FOXP2: variants seen among roughly 807,000 people sequenced by gnomAD.
The protein encoded by FOXP2 is forkhead box P2, also known as forkhead box protein P2.
A neutral mutation model predicts 115.8 loss-of-function variants in FOXP2; 12 were observed. That is an observed-to-expected ratio of 0.10 (90% CI 0.07 to 0.17). The LOEUF is 0.17. Ranked by LOEUF, FOXP2 falls within the 10% of genes least tolerant of loss-of-function variation. The pLI is 1.00. For synonymous variants in FOXP2, 328 were observed against 297.7 expected (o/e 1.10, Z -1.05); for missense variants, 629 against 843.5 (o/e 0.75, Z 3.15).
At chr7:114,610,400 T>C (rs1413276009) in intron 3 of FOXP2, among the ~76,000 whole-genome samples, 1 of 152,170 alleles carries the variant, frequency 6.6e-6, no homozygotes, top group Non-Finnish European at 1.5e-5. Flanking sequence ...TGTTAAAAAT[T>C]GGTATTTAAA....
Position 114,581,153 on chromosome 7 carries a change from A to G in FOXP2, c.258+46447A>G, listed in dbSNP as rs772881785. Among the ~76,000 whole-genome samples, 30 of 25,020 alleles carry G rather than the reference A, an allele frequency of 1.2e-3. No individual in the cohort carries two copies. The South Asian group carries it at 0.014, about 12-fold the overall frequency. The allele number at this position is 25,020 out of a possible 152,430, so 16.4% of individuals were successfully genotyped here. On this transcript the variant is annotated intron_variant, in intron 3 of 16. Transcript: ENST00000350908. ...TTGTTGCTTCTATCTTCTTCCGTTT[A>G]TTTATTTATTTATTTATTTATTTAT...
chr7:114,558,688 A>G (rs1034144334), intron 3 of FOXP2, among the ~76,000 whole-genome samples: 1 of 152,134 alleles, frequency 6.6e-6, no homozygotes, highest in African/African-American at 2.4e-5. Flanking sequence ...ACTAATGTCC[A>G]TTTATTCTTA....
At chr7:114,535,345 G>A (rs1227658652) in intron 3 of FOXP2, among the ~76,000 whole-genome samples, 2 of 151,092 alleles carry the variant, frequency 1.3e-5, no homozygotes, top group Admixed American at 6.6e-5. Flanking sequence ...TTGGTGGGGG[G>A]GGAAACATTT....
Position 114,581,149 on chromosome 7 carries a change from GTTTATTTATTTA to G in FOXP2, c.258+46483_258+46494del, listed in dbSNP as rs10585289. ...GGATTTGTTGCTTCTATCTTCTTCCGTTTATTTATTTATTTATTTATTTATTTATTTATTTAT... is the reference window on the plus strand; with the variant it reads ...GGATTTGTTGCTTCTATCTTCTTCCGTTTATTTATTTATTTATTTATTTAT... On this transcript the variant is annotated intron_variant, in intron 3 of 16. Coordinates refer to ENST00000350908, the MANE Select transcript of FOXP2 (RefSeq NM_014491.4). 8.3e-3 allele frequency among the ~76,000 whole-genome samples: 1,125 copies of G among 134,960 alleles called. 12 individuals are homozygous for G. Among genetic ancestry groups the G allele is most frequent in the African/African-American group, 0.02 (720 of 35,710 alleles). 88.5% of individuals were successfully genotyped at this position (134,960 alleles called of 152,430 possible).
At chr7:114,457,813 G>T (rs904153765) in intron 2 of FOXP2, among the ~76,000 whole-genome samples, 1 of 151,688 alleles carries the variant, frequency 6.6e-6, no homozygotes, top group South Asian at 2.1e-4. Context: ...CAGGAGACTG[G>T]CGTGAACCCA....
chr7:114,315,610 GCA>G (rs144465419), intron 2 of FOXP2, among the ~76,000 whole-genome samples: 2,269 of 145,372 alleles, frequency 0.016, 48 homozygotes, highest in African/African-American at 0.049. Flanking sequence ...CACTATACAT[GCA>G]CACACACACA....
At chr7:114,538,386 A>G in intron 3 of FOXP2, 1 of 1,300,538 alleles carries the variant, frequency 7.7e-7, no homozygotes, top group Admixed American at 2.3e-5. Context: ...AATTTAAGGT[A>G]AATGCCATTG....
Position 114,400,105 on chromosome 7 carries a change from G to A in FOXP2, c.-10-26397G>A, listed in dbSNP as rs187642779. Among the ~76,000 whole-genome samples, 434 of 151,908 alleles carry A rather than the reference G, an allele frequency of 2.9e-3. 1 individual carries two copies. The highest frequency in any genetic ancestry group is 8.6e-3 in the African/African-American group (358 of 41,438). ...GAACTCCTGACCTCGTGATCCACCC[G>A]CCTTGGCCTCCCAAAGTGCTAGGAT... On this transcript the variant is annotated intron_variant, in intron 2 of 17. Coordinates refer to the FOXP2 transcript ENST00000634411.
At chr7:114,655,087 C>A (rs185053632) in intron 10 of FOXP2, among the ~76,000 whole-genome samples, 1 of 151,978 alleles carries the variant, frequency 6.6e-6, no homozygotes, top group East Asian at 1.9e-4. Flanking sequence ...ATCTGACATA[C>A]TACTTTTTAA....
intron 1 of FOXP2, among the ~76,000 whole-genome samples, chr7:114,219,863 G>T (rs1028756966): frequency 1.0e-4 from 15 of 150,406 alleles, no homozygotes; most frequent in African/African-American, 3.4e-4. Context: ...TTGTTTGTTT[G>T]TTTTGTTTTT....
chr7:114,096,807 G>T (rs527398398), intron 1 of FOXP2, among the ~76,000 whole-genome samples: 1 of 152,280 alleles, frequency 6.6e-6, no homozygotes, highest in East Asian at 1.9e-4. Flanking sequence ...TACAGAATAT[G>T]TAAGTAATAC....
chr7:114,575,666 A>G (rs934131987), intron 3 of FOXP2, among the ~76,000 whole-genome samples: 16 of 151,872 alleles, frequency 1.1e-4, no homozygotes, highest in Non-Finnish European at 1.6e-4. Context: ...ACGTAAGGAA[A>G]AGTGATTGTC....
intron 2 of FOXP2, among the ~76,000 whole-genome samples, chr7:114,360,287 T>A (rs779286853): frequency 5.3e-5 from 8 of 152,182 alleles, no homozygotes; most frequent in Non-Finnish European, 1.2e-4. Flanking sequence ...CCATTAAACC[T>A]CTTTTTCTTT....
At chr7:114,147,280 T>G (rs116921844) in intron 1 of FOXP2, among the ~76,000 whole-genome samples, 56 of 152,336 alleles carry the variant, frequency 3.7e-4, no homozygotes, top group Middle Eastern at 6.8e-3. Flanking sequence ...GACAGCCTTT[T>G]GTATGTTGAT....
intron 3 of FOXP2, among the ~76,000 whole-genome samples, chr7:114,552,962 C>A (rs892978422): frequency 2.6e-5 from 4 of 152,016 alleles, no homozygotes; most frequent in Non-Finnish European, 4.4e-5. Flanking sequence ...TAAGAGATTG[C>A]AATACATTTA....
rs573087750 is a variant in FOXP2 at position 114,210,858 on chromosome 7, C to T, written c.-102+47770C>T. ...GACCCTTCTGGAGTGGCTGCAGCAGCGAGATCCCATCCAGTGAGGAGGAAA... is the reference window on the plus strand; with the variant it reads ...GACCCTTCTGGAGTGGCTGCAGCAGTGAGATCCCATCCAGTGAGGAGGAAA... On this transcript the variant is annotated intron_variant, in intron 1 of 17. Transcript: ENST00000634411. Among the ~76,000 whole-genome samples, 5 of 152,108 alleles carry T rather than the reference C, an allele frequency of 3.3e-5. No homozygotes were observed. In the South Asian group the frequency reaches 1.0e-3, roughly 32 times the overall value.
intron 2 of FOXP2, among the ~76,000 whole-genome samples, chr7:114,383,282 A>G (rs1447857587): frequency 2.0e-5 from 3 of 152,196 alleles, no homozygotes; most frequent in Non-Finnish European, 4.4e-5. Context: ...AAAGAGAAAA[A>G]GGTACATGCA....
rs532072944 is a variant in FOXP2 at position 114,351,033 on chromosome 7, T to C, written c.-11+62924T>C. Among the ~76,000 whole-genome samples, 4 of 152,286 alleles carry C rather than the reference T, an allele frequency of 2.6e-5. No individual in the cohort carries two copies. The South Asian group carries it at 8.3e-4, about 32-fold the overall frequency. On this transcript the variant is annotated intron_variant, in intron 2 of 17. Transcript: ENST00000634411. ...TTACACTGTATTGTTTAGGAAATAC[T>C]GACAACAAAAATGTCTATACATGGT... is the stretch of plus-strand genomic sequence containing the variant.
chr7:114,625,062 C>T (rs1285739400), intron 3 of FOXP2, among the ~76,000 whole-genome samples: 1 of 151,450 alleles, frequency 6.6e-6, no homozygotes, highest in Non-Finnish European at 1.5e-5. Flanking sequence ...CGGGTTTGTG[C>T]TTAATTCATG....
Sources: gnomAD v4.1 joint callset for allele counts (sites outside exome capture counted in the v4.1 genomes callset) on GRCh38, gnomAD v4.1.1 for gene constraint, MANE v1.5 for transcripts, NCBI Gene and HGNC (gene_info 2026-07-23, HGNC 2026-07-21) for gene names.